AKAP17A: variants seen among roughly 807,000 people sequenced by gnomAD.
AKAP17A encodes A-kinase anchoring protein 17A, also known as A-kinase anchor protein 17A.
A neutral mutation model predicts 52.2 loss-of-function variants in AKAP17A; 15 were observed. The ratio of observed to expected loss-of-function variants is 0.29; its 90% CI spans 0.19 to 0.44. The LOEUF is 0.44. Among genes scored for constraint, AKAP17A ranks in the 20% least tolerant of loss-of-function variants. The pLI is 1.00. For synonymous variants in AKAP17A, 514 were observed against 424.7 expected (o/e 1.21, Z -2.58); for missense variants, 1,060 against 1,007.0 (o/e 1.05, Z -0.71).
chrX:1,593,263 C>G (rs1932870153), intron 1 of AKAP17A, among the ~76,000 whole-genome samples, 181 bp from the exon 2 acceptor site: 1 of 152,130 alleles, frequency 6.6e-6, no homozygotes, highest in African/African-American at 2.4e-5. Context: ...TTAATGATTT[C>G]AAAAAGTAAA....
intron 4 of AKAP17A, 123 bp from the exon 5 acceptor site, chrX:1,600,536 C>A: frequency 9.6e-7 from 1 of 1,046,972 alleles, no homozygotes; most frequent in Non-Finnish European, 1.3e-6. Context: ...GGCTGGAGTC[C>A]AGCCAGGCCG....
chrX:1,595,801 G>T (rs1932948550), intron 3 of AKAP17A, among the ~76,000 whole-genome samples: 1 of 152,008 alleles, frequency 6.6e-6, no homozygotes, highest in African/African-American at 2.4e-5. Context: ...GCTCGTGTGT[G>T]TACCTGTGTG....
intron 4 of AKAP17A, chrX:1,600,030 C>T (rs1933269701): frequency 3.2e-6 from 2 of 628,688 alleles, no homozygotes; most frequent in Non-Finnish European, 5.2e-6. Context: ...CACAGACAGA[C>T]AGACCTCCCC....
chrX:1,596,890 C>T (rs776299318), intron 3 of AKAP17A, among the ~76,000 whole-genome samples: 1 of 142,902 alleles, frequency 7.0e-6, no homozygotes, highest in East Asian at 2.1e-4. Context: ...TCCTCCTTCT[C>T]CGTCCCTCCC....
chrX:1,600,582 C>G, intron 4 of AKAP17A, 77 bp from the exon 5 acceptor site: 2 of 1,385,272 alleles, frequency 1.4e-6, no homozygotes, highest in South Asian at 1.4e-5. Context: ...GGCCTCCAAA[C>G]ACCTTCCCAG....
chrX:1,593,714 G>A lies in AKAP17A; in HGVS notation c.252G>A (p.Glu84=). ...TCATCCGCTTCGAGGGGGAGGTGGA[G>A]AACAAGAGCCTGGTCAAGTCTTTTC... is the stretch of plus-strand genomic sequence containing the variant. ...MDFIRFEGEV[E]NKSLVKSFLA... The change falls in exon 2 of 5, where the codon GAG becomes GAA. Residue 84 remains glutamate, a synonymous_variant. Coordinates refer to ENST00000313871, the MANE Select transcript of AKAP17A (RefSeq NM_005088.3). The A allele has an allele frequency of 6.2e-7, 1 of 1,613,984 alleles. No individual in the cohort carries two copies. Among genetic ancestry groups the A allele is most frequent in the African/African-American group, 1.3e-5 (1 of 75,044 alleles).
chrX:1,601,855 G>GTACTTGGCACTTCAGTTTCAAACACGTA lies in AKAP17A; in HGVS notation c.*261_*262insTACTTGGCACTTCAGTTTCAAACACGTA, dbSNP rs1933404893. ...TTGATCCGATAGCTTTAATGCGGCC[G>GTACTTGGCACTTCAGTTTCAAACACGTA]GTCCTCTCTCAGTCAGGAAAATTGC... On this transcript the variant is annotated 3_prime_UTR_variant, in exon 5 of 5. Transcript: ENST00000313871. 11 of 394,248 alleles carry GTACTTGGCACTTCAGTTTCAAACACGTA rather than the reference G, an allele frequency of 2.8e-5. No homozygotes were observed. Among genetic ancestry groups the GTACTTGGCACTTCAGTTTCAAACACGTA allele is most frequent in the Non-Finnish European group, 4.9e-5 (11 of 224,298 alleles). The allele number at this position is 394,248 out of a possible 1,614,324, so 24.4% of individuals were successfully genotyped here. A position where few individuals can be genotyped will look rare whatever the true frequency, so the allele number is the denominator to read the frequency against.
Position 1,599,404 on chromosome X carries a change from T to C in AKAP17A, c.1124T>C (p.Leu375Pro), listed in dbSNP as rs1184231258. 1.9e-6 allele frequency: 3 copies of C among 1,569,664 alleles called. No homozygotes were observed. The highest frequency in any genetic ancestry group is 2.6e-6 in the Non-Finnish European group (3 of 1,158,646). The change falls in exon 4 of 5, where the codon CTC (leucine) becomes CCC (proline). Residue 375 changes from leucine (L) to proline (P), a missense_variant. Physicochemically the swap from Leu to Pro is moderately conservative, Grantham distance 98 (BLOSUM62 -3). This residue lies in a region of AKAP17A where 793 missense variants were observed against 629.9 expected (regional missense o/e 1.26). Transcript: ENST00000313871. ...CAGAGGAACCTGCAGTCCATCCGGC[T>C]CATCGCCGAGCTGCTCAGCAGAGCC... ...LAQRNLQSIR[L>P]IAELLSRAKA...
intron 3 of AKAP17A, among the ~76,000 whole-genome samples, chrX:1,597,206 T>C (rs765493313): frequency 1.3e-5 from 2 of 152,350 alleles, no homozygotes; most frequent in East Asian, 1.9e-4. Flanking sequence ...AGGTCCATCC[T>C]GCCCGTGGTG....
chrX:1,600,518 CA>C, intron 4 of AKAP17A, 140 bp from the exon 5 acceptor site: 1 of 883,998 alleles, frequency 1.1e-6, no homozygotes, highest in South Asian at 1.8e-5. Flanking sequence ...AGACGCCCCC[CA>C]CCCCTGGGCT....
intron 3 of AKAP17A, among the ~76,000 whole-genome samples, chrX:1,597,361 C>G (rs1445378674): frequency 9.2e-5 from 14 of 152,182 alleles, no homozygotes; most frequent in Non-Finnish European, 1.8e-4. Flanking sequence ...TGTCAGCCGT[C>G]AGGATTCCCA....
rs749948853 is a variant in AKAP17A at position 1,595,522 on chromosome X, G to T, written c.901G>T (p.Ala301Ser). The T allele has an allele frequency of 6.2e-7, 1 of 1,613,916 alleles. No homozygotes were observed. The highest frequency in any genetic ancestry group is 2.2e-5 in the East Asian group (1 of 44,882). The stretch of plus-strand genomic sequence containing the variant: ...GAAGGAAGCGGAGGAGAGGCAGCGA[G>T]CGGAGGAAAGGTACCTTCTGCGGGA... ...REKEAEERQR[A>S]EERKQKELEE... Residue 301 changes from alanine to serine, a missense_variant, in exon 3 of 5, where the codon GCG becomes TCG. This residue lies in a region of AKAP17A where 793 missense variants were observed against 629.9 expected (regional missense o/e 1.26). Coordinates refer to ENST00000313871, the MANE Select transcript of AKAP17A (RefSeq NM_005088.3).
intron 4 of AKAP17A, 124 bp from the exon 5 acceptor site, chrX:1,600,535 C>A: frequency 1.9e-6 from 2 of 1,031,650 alleles, no homozygotes; most frequent in East Asian, 2.6e-5. Context: ...GGGCTGGAGT[C>A]CAGCCAGGCC....
chrX:1,600,304 G>A, intron 4 of AKAP17A: 1 of 911,736 alleles, frequency 1.1e-6, no homozygotes, highest in Non-Finnish European at 1.6e-6. Flanking sequence ...CCCTGTTGCT[G>A]GCGGCCGCTT....
In AKAP17A at chrX:1,600,656, C is replaced by T. The variant is rs1281242292; in HGVS notation, c.1153-3C>T. On this transcript the variant is annotated splice_region_variant and splice_polypyrimidine_tract_variant and intron_variant, in intron 4 of 4. Transcript: ENST00000313871. Reference sequence around the variant, plus strand: ...CTCAGCTGCACTTTCCTCTTCCCCGCAGGCTGTGAAGCTACGGGAACAGGA... The same window carrying T: ...CTCAGCTGCACTTTCCTCTTCCCCGTAGGCTGTGAAGCTACGGGAACAGGA... The T allele has an allele frequency of 1.3e-5, 20 of 1,534,414 alleles. No homozygotes were observed. The highest frequency in any genetic ancestry group is 2.5e-5 in the East Asian group (1 of 40,684).
At chrX:1,594,705 G>A (rs1173747288) in intron 2 of AKAP17A, among the ~76,000 whole-genome samples, 2 of 151,394 alleles carry the variant, frequency 1.3e-5, no homozygotes, top group Non-Finnish European at 2.9e-5. Context: ...TGCATCCTCC[G>A]CCTCCTGGGT....
intron 3 of AKAP17A, among the ~76,000 whole-genome samples, chrX:1,598,605 G>C (rs1933156336): frequency 6.6e-6 from 1 of 152,094 alleles, no homozygotes; most frequent in Non-Finnish European, 1.5e-5. Context: ...ACTCTCTCTG[G>C]GGACCGCGCC....
In AKAP17A at chrX:1,595,251, TGGTGAGCGGTGAGC is replaced by T. The variant is rs553882759; in HGVS notation, c.763-123_763-110del. 208 of 211,248 alleles carry T rather than the reference TGGTGAGCGGTGAGC, an allele frequency of 9.8e-4. 44 individuals carry two copies. The highest frequency in any genetic ancestry group is 5.9e-3 in the African/African-American group (14 of 2,382). 13.1% of individuals were successfully genotyped at this position (211,248 alleles called of 1,614,324 possible). A position where few individuals can be genotyped will look rare whatever the true frequency, so the allele number is the denominator to read the frequency against. On this transcript the variant is annotated intron_variant, in intron 2 of 4. Coordinates refer to ENST00000313871, the MANE Select transcript of AKAP17A (RefSeq NM_005088.3). ...TGTCTGGGTCTGCACCGGACATGAG[TGGTGAGCGGTGAGC>T]GGTGAGCGGGCGCTCAGGCTCTGAG...
At chrX:1,599,496 A>G in intron 4 of AKAP17A, 64 bp downstream of exon 4, 1 of 1,550,170 alleles carries the variant, frequency 6.5e-7, no homozygotes, top group African/African-American at 1.4e-5. Context: ...CCCTCCCCTG[A>G]AATGCGGGCG....
Sources: gnomAD v4.1 joint callset for allele counts (sites outside exome capture counted in the v4.1 genomes callset) on GRCh38, gnomAD v4.1.1 for gene constraint, gnomAD v4.1.1 regional missense constraint, MANE v1.5 for transcripts, NCBI Gene and HGNC (gene_info 2026-07-23, HGNC 2026-07-21) for gene names.